TBC1D14: variants seen among roughly 807,000 people sequenced by gnomAD.
TBC1D14 encodes the protein TBC1 domain family, member 14.
A neutral mutation model predicts 79.0 loss-of-function variants in TBC1D14; 26 were observed. The ratio of observed to expected loss-of-function variants is 0.33; its 90% CI spans 0.24 to 0.46. TBC1D14 has a LOEUF of 0.46. TBC1D14 is among the 20% of genes least tolerant of loss of function. TBC1D14 has a pLI of 1.00. For missense variants in TBC1D14, 769 were observed against 887.6 expected, an observed-to-expected ratio of 0.87 and a Z score of 1.70; for synonymous variants, 394 against 349.9, an observed-to-expected ratio of 1.13 and a Z score of -1.40.
chr4:6,944,882 C>T (rs1008638508), intron 2 of TBC1D14, among the ~76,000 whole-genome samples: 7 of 152,200 alleles, frequency 4.6e-5, no homozygotes, highest in South Asian at 2.1e-4. Context: ...GTGCTCCTCT[C>T]CCGTCTCCTC....
rs1722955731 is a variant in TBC1D14, at chr4:7,030,577, C to T, written c.*185C>T. On this transcript the variant is annotated 3_prime_UTR_variant, in exon 14 of 14. Coordinates refer to ENST00000409757, the MANE Select transcript of TBC1D14 (RefSeq NM_020773.3). Reference sequence around the variant, plus strand: ...TTAAAGAATTAAACCAAGGCTTAGCCTTAAGCAGCTCAGTGGAAGGATGAG... The same window carrying T: ...TTAAAGAATTAAACCAAGGCTTAGCTTTAAGCAGCTCAGTGGAAGGATGAG... 3.6e-6 allele frequency: 2 copies of T among 561,230 alleles called. No homozygotes were observed. The highest frequency in any genetic ancestry group is 6.3e-6 in the Non-Finnish European group (2 of 316,970). The allele number at this position is 561,230 out of a possible 1,614,324, so 34.8% of individuals were successfully genotyped here. A position where few individuals can be genotyped will look rare whatever the true frequency, so the allele number is the denominator to read the frequency against.
intron 2 of TBC1D14, among the ~76,000 whole-genome samples, chr4:6,936,191 G>C (rs1195716680): frequency 6.6e-6 from 1 of 152,170 alleles, no homozygotes; most frequent in Non-Finnish European, 1.5e-5. Context: ...TACATCAGGG[G>C]CCACCCTGGG....
intron 1 of TBC1D14, among the ~76,000 whole-genome samples, chr4:6,917,447 C>T (rs1289798646): frequency 6.6e-6 from 1 of 152,076 alleles, no homozygotes; most frequent in Non-Finnish European, 1.5e-5. Context: ...CTGGGAGAGG[C>T]AGGGAAGGCT....
chr4:6,931,695 A>T (rs893131054), intron 2 of TBC1D14, among the ~76,000 whole-genome samples: 1 of 152,168 alleles, frequency 6.6e-6, no homozygotes, highest in Non-Finnish European at 1.5e-5. Context: ...AATCACAACC[A>T]TAATGATCCA....
intron 2 of TBC1D14, among the ~76,000 whole-genome samples, chr4:6,947,957 A>C (rs1277432245): frequency 1.3e-5 from 2 of 152,172 alleles, no homozygotes; most frequent in African/African-American, 4.8e-5. Flanking sequence ...CTACAAATGC[A>C]GGGGGAGGTG....
intron 9 of TBC1D14, 147 bp from the exon 10 acceptor site, chr4:7,009,730 A>G (rs1216892787): frequency 6.3e-6 from 5 of 798,872 alleles, no homozygotes; most frequent in East Asian, 2.5e-5. Context: ...TTCCATATGC[A>G]TATAGAGCTG....
chr4:7,009,885 A>G lies in TBC1D14; in HGVS notation c.1455A>G (p.Pro485=), dbSNP rs1347598104. 2 of 1,614,182 alleles carry G rather than the reference A, an allele frequency of 1.2e-6. No homozygotes were observed. The highest frequency in any genetic ancestry group is 1.7e-5 in the Admixed American group (1 of 60,022). Residue 485 remains proline (P), a synonymous_variant, in exon 10 of 14, where the codon CCA becomes CCG. Transcript: ENST00000409757. The stretch of plus-strand genomic sequence containing the variant: ...TGTGTTGATCCTTTTAGGGTGGTCC[A>G]TATCATGACATGTTGCACAGTATTT... ...PNLCIFQQGG[P]YHDMLHSILG...
chr4:6,976,178 T>C (rs1013265832), intron 3 of TBC1D14, among the ~76,000 whole-genome samples: 1 of 152,108 alleles, frequency 6.6e-6, no homozygotes, highest in Admixed American at 6.5e-5. Context: ...TAGGAACATG[T>C]GGGGCAGTAC....
At chr4:6,998,983 C>A in intron 5 of TBC1D14, 102 bp from the exon 6 acceptor site, 1 of 1,041,720 alleles carries the variant, frequency 9.6e-7, no homozygotes, top group Non-Finnish European at 1.5e-6. Flanking sequence ...TGCTTCAGGG[C>A]GGTTTTCCTG....
intron 7 of TBC1D14, among the ~76,000 whole-genome samples, chr4:7,004,521 C>T (rs533506648): frequency 1.3e-5 from 2 of 152,306 alleles, no homozygotes; most frequent in Non-Finnish European, 2.9e-5. Flanking sequence ...AGAGCTTCAC[C>T]GTCTTGCCCC....
chr4:6,940,599 A>AT (rs1372922934), intron 2 of TBC1D14, among the ~76,000 whole-genome samples: 1 of 151,894 alleles, frequency 6.6e-6, no homozygotes, highest in African/African-American at 2.4e-5. Context: ...ACATTTAAAT[A>AT]TGGGAGATGA....
At chr4:6,943,923 G>GA (rs1713169082) in intron 2 of TBC1D14, among the ~76,000 whole-genome samples, 1 of 152,186 alleles carries the variant, frequency 6.6e-6, no homozygotes, top group South Asian at 2.1e-4. Context: ...CTTGAGAGCA[G>GA]ACCTCCCCAA....
Position 6,987,970 on chromosome 4 carries a change from G to A in TBC1D14, c.844-6214G>A, listed in dbSNP as rs373995152. ...AACTTAGAGAACGCTTTCCAGGAGG[G>A]GACTGCAGCTTGTTAAAGAACCCAG... On this transcript the variant is annotated intron_variant, in intron 3 of 13. Coordinates refer to ENST00000409757, the MANE Select transcript of TBC1D14 (RefSeq NM_020773.3). 5.6e-4 allele frequency among the ~76,000 whole-genome samples: 86 copies of A among 152,308 alleles called. No homozygotes were observed. In the East Asian group the frequency reaches 0.015, roughly 26 times the overall value.
intron 2 of TBC1D14, among the ~76,000 whole-genome samples, chr4:6,963,801 T>A (rs972421225): frequency 6.6e-6 from 1 of 152,158 alleles, no homozygotes; most frequent in Non-Finnish European, 1.5e-5. Flanking sequence ...ATCATGCAAC[T>A]TTGATTTTGT....
At chr4:6,922,140 A>G (rs1267882039) in intron 1 of TBC1D14, among the ~76,000 whole-genome samples, 1 of 151,654 alleles carries the variant, frequency 6.6e-6, no homozygotes, top group African/African-American at 2.4e-5. Flanking sequence ...ACAGCCTTAA[A>G]CCTCCCAGGC....
In TBC1D14 at chr4:6,923,706, C is replaced by T. The variant is rs748167132; in HGVS notation, c.317C>T (p.Ala106Val). The change falls in exon 2 of 14, where the codon GCG becomes GTG. Residue 106 changes from alanine to valine, a missense_variant. Coordinates refer to ENST00000409757, the MANE Select transcript of TBC1D14 (RefSeq NM_020773.3). ...GAGCGGGCCTTCCAGAGCGCCTGCGCGCTGCCATCCTGTGCGCCACCAGCT... is the reference window on the plus strand; with the variant it reads ...GAGCGGGCCTTCCAGAGCGCCTGCGTGCTGCCATCCTGTGCGCCACCAGCT... ...IPERAFQSACALPSCAPPAPS... is the reference protein window; with the variant it reads ...IPERAFQSACVLPSCAPPAPS... The T allele has an allele frequency of 1.3e-5, 21 of 1,613,826 alleles. No individual in the cohort carries two copies. The highest frequency in any genetic ancestry group is 3.3e-5 in the South Asian group (3 of 91,080).
At position 7,024,509 on chromosome 4, in the gene TBC1D14, GGT is replaced by G. The variant is rs959201074; in HGVS notation, c.1758-491_1758-490del. The stretch of plus-strand genomic sequence containing the variant: ...GACAGGGCACTAGATGTGGAGCTAG[GGT>G]GTGCCATGATGAGCACCAGGCTGGG... On this transcript the variant is annotated intron_variant, in intron 12 of 13. Coordinates refer to ENST00000409757, the MANE Select transcript of TBC1D14 (RefSeq NM_020773.3). 1.4e-4 allele frequency among the ~76,000 whole-genome samples: 21 copies of G among 152,252 alleles called. No homozygotes were observed. The East Asian group carries it at 2.3e-3, about 17-fold the overall frequency.
intron 3 of TBC1D14, among the ~76,000 whole-genome samples, chr4:6,993,606 G>C (rs1718724463): frequency 2.0e-5 from 3 of 152,226 alleles, no homozygotes; most frequent in Admixed American, 2.0e-4. Context: ...CAGCGTTTGA[G>C]GGCCCTCCTC....
chr4:7,031,234 C>G lies in TBC1D14; in HGVS notation c.*842C>G, dbSNP rs948797052. 2.1e-4 allele frequency: 32 copies of G among 152,320 alleles called. No individual in the cohort carries two copies. The highest frequency in any genetic ancestry group is 7.7e-4 in the African/African-American group (32 of 41,456). The allele number at this position is 152,320 out of a possible 1,614,324, so 9.4% of individuals were successfully genotyped here. On this transcript the variant is annotated 3_prime_UTR_variant, in exon 14 of 14. Transcript: ENST00000409757. ...AAAGAGATGTGTGGCTGGGCCCTCT[C>G]CCACCTGCCTGTTCAGTGGAGGCCA...
Sources: allele counts gnomAD v4.1 joint callset (sites outside exome capture counted in the v4.1 genomes callset), GRCh38; gene constraint gnomAD v4.1.1; transcripts MANE v1.5; gene names NCBI Gene and HGNC (gene_info 2026-07-23, HGNC 2026-07-21).